The following GNAL variants were observed in gnomAD, a reference collection of about 807,000 sequenced individuals.
GNAL encodes G protein subunit alpha L.
In GNAL, 18 loss-of-function variants were observed where a neutral mutation model predicts 55.1. That is an observed-to-expected ratio of 0.33 (90% CI 0.23 to 0.48). The LOEUF is 0.48. Ranked by LOEUF, GNAL falls within the 20% of genes least tolerant of loss-of-function variation. GNAL has a pLI of 0.99. For missense variants in GNAL, 412 were observed against 614.1 expected, an observed-to-expected ratio of 0.67 and a Z score of 3.48; for synonymous variants, 253 against 237.0, an observed-to-expected ratio of 1.07 and a Z score of -0.62.
chr18:11,829,838 C>A (rs532337626), intron 5 of GNAL, among the ~76,000 whole-genome samples: 60 of 152,176 alleles, frequency 3.9e-4, no homozygotes, highest in Middle Eastern at 3.4e-3. Flanking sequence ...GGTGAAACCC[C>A]GTCTCTACTA....
At chr18:11,723,515 A>G (rs898863379) in intron 1 of GNAL, among the ~76,000 whole-genome samples, 4 of 152,240 alleles carry the variant, frequency 2.6e-5, no homozygotes, top group African/African-American at 9.6e-5. Flanking sequence ...TTTATCAAGA[A>G]CGATAACTAC....
At chr18:11,862,183 GA>G (rs965577001) in intron 5 of GNAL, among the ~76,000 whole-genome samples, 2 of 150,540 alleles carry the variant, frequency 1.3e-5, no homozygotes, top group African/African-American at 4.9e-5. Flanking sequence ...TTAAAAAAAA[GA>G]AAAAAAAAGA....
At chr18:11,771,800 C>T (rs1340803757) in intron 4 of GNAL, among the ~76,000 whole-genome samples, 2 of 152,158 alleles carry the variant, frequency 1.3e-5, no homozygotes, top group South Asian at 2.1e-4. Flanking sequence ...CTGCAACCTC[C>T]TCCTTCTGGG....
chr18:11,775,076 G>A (rs2033742877), intron 4 of GNAL, among the ~76,000 whole-genome samples: 1 of 152,174 alleles, frequency 6.6e-6, no homozygotes, highest in South Asian at 2.1e-4. Context: ...GAGTCCTGCT[G>A]AATCTCCCCT....
chr18:11,825,505 C>G (rs1275020319), intron 5 of GNAL, among the ~76,000 whole-genome samples: 1 of 152,016 alleles, frequency 6.6e-6, no homozygotes. Context: ...CCAAGGCAGG[C>G]GGATCACCTG....
Position 11,884,291 on chromosome 18 carries a change from A to G in GNAL, c.*3156A>G. 2.8e-6 allele frequency: 2 copies of G among 702,048 alleles called. No individual in the cohort carries two copies. Among genetic ancestry groups the G allele is most frequent in the Non-Finnish European group, 4.9e-6 (2 of 411,142 alleles). The allele number at this position is 702,048 out of a possible 1,614,324, so 43.5% of individuals were successfully genotyped here. On this transcript the variant is annotated 3_prime_UTR_variant, in exon 12 of 12. Transcript: ENST00000334049. ...TAGCATGAGAACAGTACAATCAACTATTTATTTTGCAGTTACTCATTTCAG... is the reference window on the plus strand; with the variant it reads ...TAGCATGAGAACAGTACAATCAACTGTTTATTTTGCAGTTACTCATTTCAG...
chr18:11,832,687 A>G (rs752065739), intron 5 of GNAL, among the ~76,000 whole-genome samples: 14 of 152,018 alleles, frequency 9.2e-5, no homozygotes, highest in African/African-American at 4.8e-5. Flanking sequence ...GTGAAACCCC[A>G]TCTCTACTAA....
chr18:11,859,651 T>C (rs1253496770), intron 5 of GNAL, among the ~76,000 whole-genome samples: 1 of 152,170 alleles, frequency 6.6e-6, no homozygotes, highest in Non-Finnish European at 1.5e-5. Flanking sequence ...TTGCAGCACC[T>C]ATTCCAAAGA....
At chr18:11,738,936 G>A (rs1057239144) in intron 1 of GNAL, among the ~76,000 whole-genome samples, 3 of 152,258 alleles carry the variant, frequency 2.0e-5, no homozygotes, top group Admixed American at 2.0e-4. Flanking sequence ...TGCTGCGGAG[G>A]AGCCCACTGC....
chr18:11,766,575 T>G (rs1201944389), intron 4 of GNAL, among the ~76,000 whole-genome samples: 1 of 152,208 alleles, frequency 6.6e-6, no homozygotes, highest in Non-Finnish European at 1.5e-5. Flanking sequence ...CAACCTACTT[T>G]TATCTTGTAG....
At chr18:11,807,760 GA>G (rs1249857324) in intron 4 of GNAL, among the ~76,000 whole-genome samples, 1 of 152,130 alleles carries the variant, frequency 6.6e-6, no homozygotes, top group African/African-American at 2.4e-5. Context: ...CTTACATAGA[GA>G]GGGGGGCCCA....
chr18:11,711,235 A>G (rs992873526), intron 1 of GNAL, among the ~76,000 whole-genome samples: 3 of 152,138 alleles, frequency 2.0e-5, no homozygotes, highest in African/African-American at 7.2e-5. Context: ...ATGAATCCGG[A>G]TATCCATTTC....
intron 1 of GNAL, among the ~76,000 whole-genome samples, chr18:11,705,405 T>C (rs2031684416): frequency 6.6e-6 from 1 of 152,246 alleles, no homozygotes; most frequent in Admixed American, 6.5e-5. Flanking sequence ...CAAAAATTGC[T>C]GCAGCAAACG....
chr18:11,805,851 T>C (rs1406361897), intron 4 of GNAL, among the ~76,000 whole-genome samples: 2 of 152,198 alleles, frequency 1.3e-5, no homozygotes, highest in Non-Finnish European at 2.9e-5. Flanking sequence ...TTCTTTTCCT[T>C]TGGATATATA....
intron 5 of GNAL, among the ~76,000 whole-genome samples, chr18:11,832,525 T>C (rs1014292503): frequency 1.3e-5 from 2 of 152,146 alleles, no homozygotes; most frequent in African/African-American, 4.8e-5. Flanking sequence ...ACAAATGAAA[T>C]TTCAACTTCA....
chr18:11,784,526 A>G (rs1951670413), intron 4 of GNAL, among the ~76,000 whole-genome samples: 1 of 152,232 alleles, frequency 6.6e-6, no homozygotes, highest in South Asian at 2.1e-4. Flanking sequence ...GCCCAAAAAG[A>G]GCCACATGAT....
At chr18:11,842,403 G>T (rs190480422) in intron 5 of GNAL, among the ~76,000 whole-genome samples, 1 of 152,272 alleles carries the variant, frequency 6.6e-6, no homozygotes, top group East Asian at 1.9e-4. Context: ...GTTTCAAGAT[G>T]AATCCAGTGC....
rs2036859417 is a variant in GNAL, at chr18:11,884,347, A to C, written c.*3212A>C. ...GAGAATTTCTGTGCTGTGCAGAGAGACGGCCTGTAATTGGTCTCATCATCC... is the reference window on the plus strand; with the variant it reads ...GAGAATTTCTGTGCTGTGCAGAGAGCCGGCCTGTAATTGGTCTCATCATCC... On this transcript the variant is annotated 3_prime_UTR_variant, in exon 12 of 12. Transcript: ENST00000334049. 1 of 1,125,864 alleles carries C rather than the reference A, an allele frequency of 8.9e-7. No individual in the cohort carries two copies. Among genetic ancestry groups the C allele is most frequent in the Non-Finnish European group, 1.3e-6 (1 of 769,118 alleles). 69.7% of individuals were successfully genotyped at this position (1,125,864 alleles called of 1,614,324 possible).
At chr18:11,867,368 T>C (rs2036286344) in intron 8 of GNAL, 142 bp downstream of exon 8, 2 of 665,984 alleles carry the variant, frequency 3.0e-6, no homozygotes, top group East Asian at 2.9e-5. Context: ...CTTCCTTAGA[T>C]ACTAATCTCA....
Sources: gnomAD v4.1 joint callset for allele counts (sites outside exome capture counted in the v4.1 genomes callset) on GRCh38, gnomAD v4.1.1 for gene constraint, MANE v1.5 for transcripts, NCBI Gene and HGNC (gene_info 2026-07-23, HGNC 2026-07-21) for gene names.